TENM2: variants seen among roughly 807,000 people sequenced by gnomAD.
The protein encoded by TENM2 is teneurin transmembrane protein 2.
In TENM2, 52 loss-of-function variants were observed where a neutral mutation model predicts 245.2. The observed-to-expected ratio is 0.21, with a 90% CI of 0.17 to 0.27. The LOEUF is 0.27. Ranked by LOEUF, TENM2 falls within the 10% of genes least tolerant of loss-of-function variation. The probability of loss-of-function intolerance (pLI) is 1.00; values close to 1 mark genes in which losing one functional copy is unlikely to be tolerated. For synonymous variants in TENM2, 1,363 were observed against 1,438.9 expected (o/e 0.95, Z 1.19); for missense variants, 3,046 against 3,666.8 (o/e 0.83, Z 4.37).
At chr5:167,882,637 G>A (rs1293180924) in intron 3 of TENM2, among the ~76,000 whole-genome samples, 1 of 152,180 alleles carries the variant, frequency 6.6e-6, no homozygotes, top group Non-Finnish European at 1.5e-5. Context: ...TCACAAAGCA[G>A]CAGGAAGGAG....
At chr5:167,383,632 C>T (rs13176584) in intron 2 of TENM2, among the ~76,000 whole-genome samples, 1 of 150,040 alleles carries the variant, frequency 6.7e-6, no homozygotes, top group African/African-American at 2.5e-5. Context: ...ACTCCATGAG[C>T]TAATTTTTTT....
At chr5:167,800,079 C>T (rs1385386889) in intron 2 of TENM2, among the ~76,000 whole-genome samples, 1 of 152,216 alleles carries the variant, frequency 6.6e-6, no homozygotes, top group East Asian at 1.9e-4. Context: ...TATGATTACA[C>T]CTTGAAAATA....
At chr5:168,262,694 G>C in exon 29 of TENM2, 1 of 1,610,376 alleles carries the variant, frequency 6.2e-7, no homozygotes, top group Non-Finnish European at 8.5e-7. Context: ...TCTGAGCACC[G>C]GGCGCGTGCA....
intron 11 of TENM2, among the ~76,000 whole-genome samples, chr5:168,125,678 T>C (rs1018555053): frequency 4.6e-5 from 7 of 151,324 alleles, no homozygotes; most frequent in African/African-American, 1.7e-4. Context: ...CAGATTGCCA[T>C]GGCAATCAGG....
the TENM2 span, among the ~76,000 whole-genome samples, chr5:167,105,615 G>A: frequency 3.3e-5 from 5 of 151,964 alleles, no homozygotes; most frequent in South Asian, 2.1e-4. Flanking sequence ...TCGGCCGGGC[G>A]CGGTGGCTCA....
At chr5:168,073,933 G>A (rs1002737379) in intron 7 of TENM2, among the ~76,000 whole-genome samples, 2 of 152,132 alleles carry the variant, frequency 1.3e-5, no homozygotes, top group Admixed American at 1.3e-4. Context: ...CAGGGACAGG[G>A]CAGAGCTAGC....
chr5:167,500,049 C>CAT (rs1769096936), intron 2 of TENM2, among the ~76,000 whole-genome samples: 1 of 103,604 alleles, frequency 9.7e-6, no homozygotes, highest in Middle Eastern at 6.5e-3. Context: ...TGTGTTTGTA[C>CAT]ATATATATGA....
intron 6 of TENM2, among the ~76,000 whole-genome samples, chr5:168,058,161 G>A (rs1351553657): frequency 5.9e-5 from 9 of 152,156 alleles, no homozygotes; most frequent in Non-Finnish European, 1.3e-4. Context: ...CCTCGGCCTA[G>A]ACCGCAGCAC....
the TENM2 span, among the ~76,000 whole-genome samples, chr5:167,137,835 T>C: frequency 6.6e-6 from 1 of 152,220 alleles, no homozygotes; most frequent in Non-Finnish European, 1.5e-5. Flanking sequence ...TCAGGAAAAC[T>C]GGTATAAATT....
At position 167,807,124 on chromosome 5, in the gene TENM2, T is replaced by TAAAAAAAAAAA. The variant is rs1178739925; in HGVS notation, c.503-68840_503-68830dup. Among the ~76,000 whole-genome samples the TAAAAAAAAAAA allele has an allele frequency of 1.3e-3, 63 of 49,072 alleles. 3 individuals are homozygous for TAAAAAAAAAAA. The highest frequency in any genetic ancestry group is 3.8e-3 in the South Asian group (3 of 796). The allele number at this position is 49,072 out of a possible 152,430, so 32.2% of individuals were successfully genotyped here. ...ACAGTTTGGCCCAAAGCCCCTAGGT[T>TAAAAAAAAAAA]AAAAAAAAAAAAAAAAAAAAAAAAA... On this transcript the variant is annotated intron_variant, in intron 2 of 28. Transcript: ENST00000518659.
intron 12 of TENM2, 149 bp from the exon 15 acceptor site, chr5:168,162,462 C>T: frequency 2.7e-6 from 2 of 739,840 alleles, no homozygotes; most frequent in East Asian, 2.8e-5. Context: ...GTTGCCTGCT[C>T]CCCTGACTCT....
At chr5:167,337,912 T>TA (rs1160101299) in intron 1 of TENM2, among the ~76,000 whole-genome samples, 1 of 152,162 alleles carries the variant, frequency 6.6e-6, no homozygotes, top group African/African-American at 2.4e-5. Flanking sequence ...GGTTCATCAT[T>TA]AAAAAAATAC....
At chr5:167,016,107 A>C in the TENM2 span, among the ~76,000 whole-genome samples, 1 of 151,942 alleles carries the variant, frequency 6.6e-6, no homozygotes, top group Non-Finnish European at 1.5e-5. Flanking sequence ...ACAAAAAATT[A>C]GCCGTGCATG....
In TENM2 at chr5:168,244,889, C is replaced by T. The variant is rs112639489; in HGVS notation, c.5817+173C>T. ...GGTTCAAGTAATTCTCCTGCCTGTG[C>T]CTCCTGGGTAGCTGTGACTACAGGC... On this transcript the variant is annotated intron_variant, in intron 26 of 28. Coordinates refer to ENST00000518659, the Ensembl canonical transcript of TENM2. This position sits in a 1 kb window ranked among gnomAD's most constrained non-coding sequence, Gnocchi z 4.9. Among the ~76,000 whole-genome samples, 5,695 of 152,050 alleles carry T rather than the reference C, an allele frequency of 0.037. 158 individuals carry two copies. The highest frequency in any genetic ancestry group is 0.071 in the Middle Eastern group (21 of 294).
chr5:167,782,567 G>A (rs949305582), intron 2 of TENM2, among the ~76,000 whole-genome samples: 4 of 152,000 alleles, frequency 2.6e-5, no homozygotes, highest in Non-Finnish European at 4.4e-5. Flanking sequence ...AGCTCTTTGC[G>A]TCACACTGTC....
At chr5:167,030,182 T>G in the TENM2 span, among the ~76,000 whole-genome samples, 2 of 152,224 alleles carry the variant, frequency 1.3e-5, no homozygotes, top group Non-Finnish European at 2.9e-5. Context: ...AGCTCTTTAC[T>G]TCTTCACTGA....
intron 1 of TENM2, among the ~76,000 whole-genome samples, chr5:167,369,241 A>C (rs1359930600): frequency 6.6e-6 from 1 of 152,118 alleles, no homozygotes; most frequent in East Asian, 1.9e-4. Flanking sequence ...GAAACTGCTT[A>C]TGTGATTTTT....
chr5:167,731,065 G>A (rs974513737), intron 2 of TENM2, among the ~76,000 whole-genome samples: 4 of 152,104 alleles, frequency 2.6e-5, no homozygotes, highest in South Asian at 2.1e-4. Flanking sequence ...CATGTCCTTA[G>A]TTTCCATGAA....
intron 2 of TENM2, among the ~76,000 whole-genome samples, chr5:167,550,208 A>G (rs1772837607): frequency 6.6e-6 from 1 of 152,218 alleles, no homozygotes; most frequent in African/African-American, 2.4e-5. Flanking sequence ...TTACTTAAAG[A>G]AACCAGCATA....
Sources: gnomAD v4.1 joint callset for allele counts (sites outside exome capture counted in the v4.1 genomes callset) on GRCh38, gnomAD v4.1.1 for gene constraint, Gnocchi (gnomAD v3.1) non-coding constraint, MANE v1.5 for transcripts, NCBI Gene and HGNC (gene_info 2026-07-23, HGNC 2026-07-21) for gene names.